Variants in POLE2 observed in about 807,000 individuals in gnomAD.
POLE2 encodes DNA polymerase epsilon 2, accessory subunit, also known as DNA polymerase epsilon subunit 2.
POLE2 carries 56 observed loss-of-function variants against 79.4 expected under a neutral mutation model. That is an observed-to-expected ratio of 0.71 (90% CI 0.57 to 0.88). The LOEUF (loss-of-function observed/expected upper bound fraction) is 0.88. Among genes scored for constraint, POLE2 ranks in the 40% least tolerant of loss-of-function variants. The pLI, the probability that POLE2 is intolerant of heterozygous loss-of-function variation, is 0.00. For missense variants in POLE2, 598 were observed against 638.9 expected (o/e 0.94, Z 0.69); for synonymous variants, 212 against 214.0 (o/e 0.99, Z 0.08).
At chr14:49,646,253 C>T (rs757313615) in intron 18 of POLE2, among the ~76,000 whole-genome samples, 4 of 144,586 alleles carry the variant, frequency 2.8e-5, no homozygotes, top group Non-Finnish European at 6.0e-5. Context: ...TATTCTCTGA[C>T]AATAACCTGG....
chr14:49,674,229 A>G lies in POLE2; in HGVS notation c.324-13T>C, dbSNP rs1189929796. ...GGTCATTAACAGACTAGAAAAAGAGAATGCCTATTTTTGACTATCATAATA... is the reference window on the plus strand; with the variant it reads ...GGTCATTAACAGACTAGAAAAAGAGGATGCCTATTTTTGACTATCATAATA... On this transcript the variant is annotated splice_polypyrimidine_tract_variant and intron_variant, in intron 4 of 18. Coordinates refer to ENST00000216367, the MANE Select transcript of POLE2 (RefSeq NM_002692.4). 6.4e-7 allele frequency: 1 copy of G among 1,565,862 alleles called. No individual in the cohort carries two copies. The highest frequency in any genetic ancestry group is 8.8e-7 in the Non-Finnish European group (1 of 1,136,038).
chr14:49,650,313 T>C lies in POLE2; in HGVS notation c.1449A>G (p.Lys483=). 1 of 1,610,822 alleles carries C rather than the reference T, an allele frequency of 6.2e-7. No homozygotes were observed. The highest frequency in any genetic ancestry group is 8.5e-7 in the Non-Finnish European group (1 of 1,178,164). ...TATTTGTCGTAGTGAAAGGATCATA[T>C]TTGTCTGCAATGACAAGTAGATCGG... ...PVPDLLVIAD[K]YDPFTTTNTE... Residue 483 remains lysine (K), a synonymous_variant, in exon 17 of 19, where the codon AAA becomes AAG. Coordinates refer to ENST00000216367, the MANE Select transcript of POLE2 (RefSeq NM_002692.4).
intron 3 of POLE2, chr14:49,677,518 C>T: frequency 2.0e-6 from 1 of 494,388 alleles, no homozygotes; most frequent in Non-Finnish European, 3.7e-6. Context: ...GAAGGGCTCC[C>T]ACCAGGCCCT....
At position 49,688,016 on chromosome 14, in the gene POLE2, A is replaced by T; in HGVS notation, c.68+120T>A. The stretch of plus-strand genomic sequence containing the variant: ...CCCGACCGCTTCTTAGAACTCTGAA[A>T]TTTAAGGTCAAGCCCCCTCTCGGCG... On this transcript the variant is annotated intron_variant, in intron 1 of 18. Coordinates refer to ENST00000216367, the MANE Select transcript of POLE2 (RefSeq NM_002692.4). The T allele has an allele frequency of 3.7e-6, 3 of 800,702 alleles. No homozygotes were observed. The South Asian group carries it at 4.6e-5, about 12-fold the overall frequency. The allele number at this position is 800,702 out of a possible 1,614,324, so 49.6% of individuals were successfully genotyped here.
intron 9 of POLE2, among the ~76,000 whole-genome samples, 173 bp from the exon 10 acceptor site, chr14:49,663,560 A>T (rs1469505059): frequency 1.3e-5 from 2 of 152,238 alleles, no homozygotes. Flanking sequence ...AGAGAGTCTC[A>T]ACTTATAAAA....
chr14:49,684,402 T>C (rs1886966088), intron 1 of POLE2: 1 of 151,724 alleles, frequency 6.6e-6, no homozygotes, highest in Non-Finnish European at 1.5e-5. Context: ...GAGGCAGAGC[T>C]TGCAGTAAGC....
At chr14:49,659,632 G>C (rs1254348498) in intron 10 of POLE2, among the ~76,000 whole-genome samples, 1 of 152,158 alleles carries the variant, frequency 6.6e-6, no homozygotes, top group Non-Finnish European at 1.5e-5. Flanking sequence ...TCTGGCTGAA[G>C]TATAGTGGCA....
Position 49,663,370 on chromosome 14 carries a change from C to A in POLE2, c.700G>T (p.Val234Leu). 1 of 1,610,000 alleles carries A rather than the reference C, an allele frequency of 6.2e-7. No homozygotes were observed. The highest frequency in any genetic ancestry group is 8.5e-7 in the Non-Finnish European group (1 of 1,177,340). The change falls in exon 10 of 19, where the codon GTG (valine) becomes TTG (leucine). Residue 234 changes from valine to leucine, a missense_variant. Transcript: ENST00000216367. ...VLAEGWFEDQ[V>L]FHVNAFGFPP... ...AATCCAAAGGCATTGACATGAAACA[C>A]TTGATCTTCAAACCAACCTGAAAAA...
In POLE2 at chr14:49,651,393, T is replaced by C. The variant is rs1160147701; in HGVS notation, c.1212-16A>G. On this transcript the variant is annotated splice_polypyrimidine_tract_variant and intron_variant, in intron 15 of 18. Transcript: ENST00000216367. ...GTACTGAATTCTGAAATGAAAACAG[T>C]AGTTGAATTTGACTTCTCAGAAAAA... 1 of 1,108,438 alleles carries C rather than the reference T, an allele frequency of 9.0e-7. No individual in the cohort carries two copies. The highest frequency in any genetic ancestry group is 1.5e-5 in the South Asian group (1 of 66,892). The allele number at this position is 1,108,438 out of a possible 1,614,324, so 68.7% of individuals were successfully genotyped here.
intron 3 of POLE2, among the ~76,000 whole-genome samples, chr14:49,675,543 C>T (rs1445463453): frequency 6.6e-6 from 1 of 151,132 alleles, no homozygotes; most frequent in Non-Finnish European, 1.5e-5. Flanking sequence ...GCGATTCTCC[C>T]GCCTCTCAAG....
Position 49,679,707 on chromosome 14 carries a change from T to A in POLE2, c.245+18A>T, listed in dbSNP as rs1175923031. The A allele has an allele frequency of 2.1e-6, 3 of 1,435,148 alleles. No individual in the cohort carries two copies. The African/African-American group carries it at 4.2e-5, about 20-fold the overall frequency. The allele number at this position is 1,435,148 out of a possible 1,614,324, so 88.9% of individuals were successfully genotyped here. On this transcript the variant is annotated intron_variant, in intron 3 of 18. Transcript: ENST00000216367. Reference sequence around the variant, plus strand: ...ATAACACCTCCAAGGAGGAAAAAAGTTAACTGTACCCACATACATAGTTTC... The same window carrying A: ...ATAACACCTCCAAGGAGGAAAAAAGATAACTGTACCCACATACATAGTTTC...
At position 49,654,849 on chromosome 14, in the gene POLE2, A is replaced by T; in HGVS notation, c.1019-11T>A. 6.7e-7 allele frequency: 1 copy of T among 1,489,310 alleles called. No homozygotes were observed. The highest frequency in any genetic ancestry group is 8.9e-7 in the Non-Finnish European group (1 of 1,123,278). 92.3% of individuals were successfully genotyped at this position (1,489,310 alleles called of 1,614,324 possible). On this transcript the variant is annotated splice_polypyrimidine_tract_variant and intron_variant, in intron 12 of 18. Transcript: ENST00000216367. ...AAGTTTTTAGGGAATCTAAAATTTT[A>T]AAAAGGTATTGAATTAAATTTGCAT...
In POLE2 at chr14:49,653,385, G is replaced by A. The variant is rs1326722904; in HGVS notation, c.1211+605C>T. 2.0e-5 allele frequency among the ~76,000 whole-genome samples: 3 copies of A among 152,144 alleles called. No homozygotes were observed. The East Asian group carries it at 5.8e-4, about 29-fold the overall frequency. ...AATGAGCAATACGAACAGTAAATAA[G>A]TAATCTTTGTATTCTTCCTTTGTAA... On this transcript the variant is annotated intron_variant, in intron 15 of 18. Transcript: ENST00000216367.
rs986614453 is a variant in POLE2, at chr14:49,674,485, G to A, written c.246-58C>T. On this transcript the variant is annotated intron_variant, in intron 3 of 18. Coordinates refer to ENST00000216367, the MANE Select transcript of POLE2 (RefSeq NM_002692.4). ...TTACTAAAACATAAGTACTCTAGGT[G>A]AACATGATAACTTGCATTATAAGTA... 6.1e-6 allele frequency: 6 copies of A among 980,118 alleles called. No individual in the cohort carries two copies. In the South Asian group the frequency reaches 6.8e-5, roughly 11 times the overall value. The allele number at this position is 980,118 out of a possible 1,614,324, so 60.7% of individuals were successfully genotyped here. A position where few individuals can be genotyped will look rare whatever the true frequency, so the allele number is the denominator to read the frequency against.
chr14:49,660,947 G>A (rs1354218486), intron 10 of POLE2, among the ~76,000 whole-genome samples: 2 of 152,048 alleles, frequency 1.3e-5, no homozygotes, highest in Admixed American at 1.3e-4. Flanking sequence ...TGGGGGGTAG[G>A]GGGACAAAGT....
chr14:49,643,664 A>C lies in POLE2; in HGVS notation c.1572T>G (p.Leu524=), dbSNP rs1425963388. ...PSNKTVEDSK[L]QGF ...ATCTTTAAGAATCTCAAAAGCCTTGAAGTTTGCTGAAAATAGAAAAAAAAA... is the reference window on the plus strand; with the variant it reads ...ATCTTTAAGAATCTCAAAAGCCTTGCAGTTTGCTGAAAATAGAAAAAAAAA... Residue 524 remains leucine, a synonymous_variant, in exon 19 of 19, where the codon CTT becomes CTG. Coordinates refer to ENST00000216367, the MANE Select transcript of POLE2 (RefSeq NM_002692.4). 7.1e-7 allele frequency: 1 copy of C among 1,405,270 alleles called. No homozygotes were observed. The highest frequency in any genetic ancestry group is 9.9e-7 in the Non-Finnish European group (1 of 1,009,960). The allele number at this position is 1,405,270 out of a possible 1,614,324, so 87.1% of individuals were successfully genotyped here.
At chr14:49,674,027 AT>A in intron 5 of POLE2, 95 bp downstream of exon 5, 1 of 794,100 alleles carries the variant, frequency 1.3e-6, no homozygotes, top group Non-Finnish European at 2.2e-6. Flanking sequence ...ACAAAATTCC[AT>A]TCTTTAAATA....
chr14:49,653,972 C>A lies in POLE2; in HGVS notation c.1211+18G>T. The stretch of plus-strand genomic sequence containing the variant: ...TAAATGAAAGGAAAAATGTATAACA[C>A]AAAATACTAATTCTTACCTGCAAGG... On this transcript the variant is annotated intron_variant, in intron 15 of 18. Transcript: ENST00000216367. 7.1e-7 allele frequency: 1 copy of A among 1,416,062 alleles called. No homozygotes were observed. The highest frequency in any genetic ancestry group is 9.9e-7 in the Non-Finnish European group (1 of 1,007,208). 87.7% of individuals were successfully genotyped at this position (1,416,062 alleles called of 1,614,324 possible).
chr14:49,664,766 T>C lies in POLE2; in HGVS notation c.634-92A>G, dbSNP rs530405446. 271 of 814,046 alleles carry C rather than the reference T, an allele frequency of 3.3e-4. No homozygotes were observed. In the African/African-American group the frequency reaches 4.0e-3, roughly 12 times the overall value. The allele number at this position is 814,046 out of a possible 1,614,324, so 50.4% of individuals were successfully genotyped here. A position where few individuals can be genotyped will look rare whatever the true frequency, so the allele number is the denominator to read the frequency against. On this transcript the variant is annotated intron_variant, in intron 8 of 18. Coordinates refer to ENST00000216367, the MANE Select transcript of POLE2 (RefSeq NM_002692.4). ...TCCAACAAGGCTTCTAAATAATAAA[T>C]TTAAAGACTTCCCATTTGAAACTGT...
Sources: allele counts gnomAD v4.1 joint callset (sites outside exome capture counted in the v4.1 genomes callset), GRCh38; gene constraint gnomAD v4.1.1; transcripts MANE v1.5; gene names NCBI Gene and HGNC (gene_info 2026-07-23, HGNC 2026-07-21).